The following BCL3 variants were observed in gnomAD, a reference collection of about 807,000 sequenced individuals.
The protein encoded by BCL3 is BCL3 transcription coactivator, also known as B-cell lymphoma 3 protein.
A neutral mutation model predicts 35.7 loss-of-function variants in BCL3; 15 were observed. The ratio of observed to expected loss-of-function variants is 0.42; its 90% CI spans 0.28 to 0.65. The LOEUF is 0.65. Among genes scored for constraint, BCL3 ranks in the 30% least tolerant of loss-of-function variants. The pLI is 0.22. For synonymous variants in BCL3, 311 were observed against 284.3 expected (o/e 1.09, Z -0.95); for missense variants, 565 against 641.7 (o/e 0.88, Z 1.29).
At chr19:44,756,964 C>A in intron 3 of BCL3, 53 bp from the exon 4 acceptor site, 1 of 1,496,168 alleles carries the variant, frequency 6.7e-7, no homozygotes, top group South Asian at 1.2e-5. Context: ...CTGGGGGAGG[C>A]AGGACTAGAG....
At chr19:44,754,990 C>T (rs745640028) in intron 2 of BCL3, among the ~76,000 whole-genome samples, 2 of 152,250 alleles carry the variant, frequency 1.3e-5, no homozygotes, top group Non-Finnish European at 2.9e-5. Flanking sequence ...ATTCTAGAGA[C>T]ACATTCCACA....
chr19:44,756,316 C>T lies in BCL3; in HGVS notation c.495C>T (p.Leu165=), dbSNP rs1428320197. The T allele has an allele frequency of 1.8e-5, 27 of 1,536,106 alleles. No individual in the cohort carries two copies. Among genetic ancestry groups the T allele is most frequent in the Admixed American group, 7.6e-5 (4 of 52,466 alleles). ...TCTTCCAGCAGGGGGGCCGGGAGCT[C>T]GACATCTACAACAACCTACGGCAGG... ...VNLFQQGGRE[L]DIYNNLRQTP... The change falls in exon 3 of 9, where the codon CTC becomes CTT. Residue 165 remains leucine, a synonymous_variant. Transcript: ENST00000164227.
Position 44,748,780 on chromosome 19 carries a change from C to T in BCL3, c.-11C>T. ...CCCAGCCGCTCTCCGGCCGCCGTCC[C>T]CGGCGGCCCCATGCCCCGATGCCCC... On this transcript the variant is annotated 5_prime_UTR_variant, in exon 1 of 9. Transcript: ENST00000164227. The T allele has an allele frequency of 9.0e-7, 1 of 1,105,502 alleles. No homozygotes were observed. The highest frequency in any genetic ancestry group is 4.3e-5 in the South Asian group (1 of 23,118). 68.5% of individuals were successfully genotyped at this position (1,105,502 alleles called of 1,614,324 possible). A position where few individuals can be genotyped will look rare whatever the true frequency, so the allele number is the denominator to read the frequency against.
At position 44,757,638 on chromosome 19, in the gene BCL3, C is replaced by T. The variant is rs773080759; in HGVS notation, c.814-8C>T. 34 of 1,613,468 alleles carry T rather than the reference C, an allele frequency of 2.1e-5. No individual in the cohort carries two copies. The highest frequency in any genetic ancestry group is 2.9e-5 in the Non-Finnish European group (34 of 1,179,744). The stretch of plus-strand genomic sequence containing the variant: ...TGGAGAAACTAAGACCTTCCCTCCC[C>T]GCCGCAGGACATTAAGAGCGGCCGC... On this transcript the variant is annotated splice_polypyrimidine_tract_variant and splice_region_variant and intron_variant, in intron 5 of 8. Coordinates refer to ENST00000164227, the MANE Select transcript of BCL3 (RefSeq NM_005178.5). The surrounding 1 kb of genome is among the most constrained non-coding windows in gnomAD (Gnocchi z 8.4).
chr19:44,757,813 C>T lies in BCL3; in HGVS notation c.891+90C>T. The T allele has an allele frequency of 7.9e-7, 1 of 1,271,398 alleles. No individual in the cohort carries two copies. The highest frequency in any genetic ancestry group is 1.2e-5 in the South Asian group (1 of 81,554). 78.8% of individuals were successfully genotyped at this position (1,271,398 alleles called of 1,614,324 possible). A position where few individuals can be genotyped will look rare whatever the true frequency, so the allele number is the denominator to read the frequency against. On this transcript the variant is annotated intron_variant, in intron 6 of 8. Transcript: ENST00000164227. The surrounding 1 kb of genome is among the most constrained non-coding windows in gnomAD (Gnocchi z 8.4). ...CAGCCCCTAGCTCTGACCCCGCCTT[C>T]CACTTCTGGCTCCGGCTCCTGCTCC... is the stretch of plus-strand genomic sequence containing the variant.
At chr19:44,749,475 G>T (rs1967136454) in intron 1 of BCL3, among the ~76,000 whole-genome samples, 3 of 152,062 alleles carry the variant, frequency 2.0e-5, no homozygotes, top group African/African-American at 7.2e-5. Context: ...AGAATCAAAG[G>T]GAGTCAGGGT....
chr19:44,756,148 A>G (rs1967274324), intron 2 of BCL3, 84 bp from the exon 3 acceptor site: 2 of 935,282 alleles, frequency 2.1e-6, no homozygotes, highest in Admixed American at 3.9e-5. Flanking sequence ...TATTCAACAC[A>G]TTGGAGTTAG....
chr19:44,752,078 G>GCACA (rs3138632), intron 2 of BCL3, among the ~76,000 whole-genome samples: 3,808 of 145,990 alleles, frequency 0.026, 57 homozygotes, highest in Middle Eastern at 0.072. Flanking sequence ...CTCAAACCCA[G>GCACA]CACACACACA....
Position 44,759,494 on chromosome 19 carries a change from C to T in BCL3, c.1244C>T (p.Pro415Leu), listed in dbSNP as rs776840699. 6.4e-5 allele frequency: 103 copies of T among 1,613,058 alleles called. No individual in the cohort carries two copies. The highest frequency in any genetic ancestry group is 8.3e-5 in the Non-Finnish European group (98 of 1,179,494). ...QSPPRDPPGFPMAPPNFFLPS... is the reference protein window; with the variant it reads ...QSPPRDPPGFLMAPPNFFLPS... ...CCCCCCAGGGACCCCCCTGGATTCC[C>T]CATGGCTCCTCCCAATTTCTTCCTT... Residue 415 changes from proline (P) to leucine (L), a missense_variant, in exon 9 of 9, where the codon CCC (proline) becomes CTC (leucine). This residue lies in a region of BCL3 where 151 missense variants were observed against 138.1 expected (regional missense o/e 1.09). Transcript: ENST00000164227.
intron 3 of BCL3, 54 bp downstream of exon 3, chr19:44,756,394 G>A: frequency 7.8e-6 from 10 of 1,287,698 alleles, no homozygotes; most frequent in Non-Finnish European, 9.1e-6. Flanking sequence ...GGGTCTGACA[G>A]AGGAGGGGCT....
Position 44,749,061 on chromosome 19 carries a change from A to G in BCL3, c.256+15A>G. 1 of 1,291,240 alleles carries G rather than the reference A, an allele frequency of 7.7e-7. No individual in the cohort carries two copies. The highest frequency in any genetic ancestry group is 9.9e-7 in the Non-Finnish European group (1 of 1,009,358). The allele number at this position is 1,291,240 out of a possible 1,614,324, so 80.0% of individuals were successfully genotyped here. On this transcript the variant is annotated intron_variant, in intron 1 of 8. Transcript: ENST00000164227. ...TTACTACCCCGGTGAGTGGCCCCCG[A>G]GGGTCCGGGCCGGGTGGGATCCACA...
At chr19:44,748,678 G>A (rs1278420150), upstream of BCL3, 2 of 1,041,924 alleles carry the variant, frequency 1.9e-6, no homozygotes, top group Non-Finnish European at 2.3e-6. Flanking sequence ...CGCCCCGGCC[G>A]ACAAAAGTCC....
chr19:44,757,518 G>C lies in BCL3; in HGVS notation c.813+103G>C, dbSNP rs537177225. On this transcript the variant is annotated intron_variant, in intron 5 of 8. Coordinates refer to ENST00000164227, the MANE Select transcript of BCL3 (RefSeq NM_005178.5). This position sits in a 1 kb window ranked among gnomAD's most constrained non-coding sequence, Gnocchi z 8.4. ...GGCTGGCGTGGGAGAGCACCCGGGT[G>C]GGGTGGGGCTTGGAGTATCAGACCC... 6 of 1,491,024 alleles carry C rather than the reference G, an allele frequency of 4.0e-6. No individual in the cohort carries two copies. The highest frequency in any genetic ancestry group is 1.2e-5 in the South Asian group (1 of 83,892). 92.4% of individuals were successfully genotyped at this position (1,491,024 alleles called of 1,614,324 possible). A position where few individuals can be genotyped will look rare whatever the true frequency, so the allele number is the denominator to read the frequency against.
upstream of BCL3, chr19:44,747,905 G>A (rs1181501305): frequency 7.7e-6 from 9 of 1,163,304 alleles, no homozygotes; most frequent in South Asian, 1.8e-5. Flanking sequence ...AACGAGTGCA[G>A]AGACACAATC....
chr19:44,759,221 G>A (rs762598), intron 8 of BCL3, among the ~76,000 whole-genome samples: 274 of 13,964 alleles, frequency 0.02, 2 homozygotes, highest in African/African-American at 0.068. Flanking sequence ...TCTGACCCCC[G>A]GCCCCTCTTC....
At chr19:44,747,870 G>T, upstream of BCL3, 1 of 1,144,222 alleles carries the variant, frequency 8.7e-7, no homozygotes, top group Non-Finnish European at 1.1e-6. Flanking sequence ...GTGCCCCGCG[G>T]GCCCCGGCTG....
intron 8 of BCL3, among the ~76,000 whole-genome samples, chr19:44,759,077 T>C (rs920607712): frequency 4.0e-5 from 1 of 25,240 alleles, no homozygotes; most frequent in Non-Finnish European, 7.1e-5. Flanking sequence ...CCTCAGCCCC[T>C]CCTCCCTCAT....
At chr19:44,748,125 G>C (rs1967100310), upstream of BCL3, 1 of 1,307,036 alleles carries the variant, frequency 7.7e-7, no homozygotes. Context: ...AGGTCACCCA[G>C]CGAGTAAGTG....
Position 44,748,717 on chromosome 19 carries a change from C to T in BCL3, c.-74C>T. On this transcript the variant is annotated 5_prime_UTR_variant, in exon 1 of 9. Coordinates refer to ENST00000164227, the MANE Select transcript of BCL3 (RefSeq NM_005178.5). The stretch of plus-strand genomic sequence containing the variant: ...CAGTTCAGCCGGCTGCAGGGGAAGT[C>T]CCGGCGCCCGGCGAAACCACCCTCC... The T allele has an allele frequency of 1.9e-6, 2 of 1,059,198 alleles. No homozygotes were observed. The highest frequency in any genetic ancestry group is 2.3e-6 in the Non-Finnish European group (2 of 878,416). The allele number at this position is 1,059,198 out of a possible 1,614,324, so 65.6% of individuals were successfully genotyped here.
Sources: allele counts gnomAD v4.1 joint callset (sites outside exome capture counted in the v4.1 genomes callset), GRCh38; gene constraint gnomAD v4.1.1; regional missense constraint gnomAD v4.1.1; non-coding constraint Gnocchi (gnomAD v3.1); transcripts MANE v1.5; gene names NCBI Gene and HGNC (gene_info 2026-07-23, HGNC 2026-07-21).